Variants in PNPLA8 observed in about 807,000 individuals in gnomAD.
The protein encoded by PNPLA8 is calcium-independent phospholipase A2-gamma.
In PNPLA8, 39 loss-of-function variants were observed where a neutral mutation model predicts 76.9. That is an observed-to-expected ratio of 0.51 (90% CI 0.39 to 0.66). The LOEUF (loss-of-function observed/expected upper bound fraction) is 0.66, where lower values mean the gene tolerates loss of function less well. Ranked by LOEUF, PNPLA8 falls within the 30% of genes least tolerant of loss-of-function variation. The pLI is 0.00. For missense variants in PNPLA8, 887 were observed against 918.0 expected, an observed-to-expected ratio of 0.97 and a Z score of 0.44; for synonymous variants, 301 against 307.9, an observed-to-expected ratio of 0.98 and a Z score of 0.24.
At chr7:108,522,624 G>T (rs958635340) in intron 1 of PNPLA8, among the ~76,000 whole-genome samples, 1 of 152,224 alleles carries the variant, frequency 6.6e-6, no homozygotes, top group African/African-American at 2.4e-5. Context: ...TCCTGAGGCT[G>T]TGTCACGGGT....
intron 2 of PNPLA8, among the ~76,000 whole-genome samples, chr7:108,518,913 G>A (rs1425931861): frequency 6.6e-6 from 1 of 151,552 alleles, no homozygotes; most frequent in African/African-American, 2.4e-5. Flanking sequence ...GGACCAAAAG[G>A]GAATGAGAAC....
In PNPLA8 at chr7:108,472,434, C is replaced by T. The variant is rs1859682601; in HGVS notation, c.2316G>A (p.Met772Ile). 1.3e-6 allele frequency: 2 copies of T among 1,591,910 alleles called. No individual in the cohort carries two copies. The highest frequency in any genetic ancestry group is 2.2e-5 in the East Asian group (1 of 44,710). Residue 772 changes from methionine (M) to isoleucine (I), a missense_variant, in exon 11 of 11, where the codon ATG becomes ATA. Physicochemically the swap from Met to Ile is conservative, Grantham distance 10 (BLOSUM62 1). Coordinates refer to ENST00000257694, the MANE Select transcript of PNPLA8 (RefSeq NM_001256007.3). Reference sequence around the variant, plus strand: ...TTGAAAAGAATGGAAGTCCTTCATACATATCAGTTTTTAATTTTATCCAAT... The same window carrying T: ...TTGAAAAGAATGGAAGTCCTTCATATATATCAGTTTTTAATTTTATCCAAT... The part of the protein sequence containing the change: ...INDWIKLKTD[M>I]YEGLPFFSKL
At chr7:108,524,737 T>C (rs1242626760) in intron 1 of PNPLA8, among the ~76,000 whole-genome samples, 3 of 152,084 alleles carry the variant, frequency 2.0e-5, no homozygotes, top group African/African-American at 7.2e-5. Context: ...AGAGAATCGT[T>C]TGAACCTTGC....
intron 10 of PNPLA8, among the ~76,000 whole-genome samples, chr7:108,475,455 C>A (rs1859921227): frequency 6.6e-6 from 1 of 152,076 alleles, no homozygotes; most frequent in South Asian, 2.1e-4. Flanking sequence ...ATCTCTATCC[C>A]TCAAAAGCCT....
chr7:108,514,463 T>G lies in PNPLA8; in HGVS notation c.1029A>C (p.Lys343Asn), dbSNP rs755524972. The change falls in exon 3 of 11, where the codon AAA (lysine) becomes AAC (asparagine). Residue 343 changes from lysine to asparagine, a missense_variant. By Grantham distance (94) the Lys-to-Asn change is moderately conservative. Coordinates refer to ENST00000257694, the MANE Select transcript of PNPLA8 (RefSeq NM_001256007.3). ...AVSKDRNAEE[K>N]KRLSLQREKI... Reference sequence around the variant, plus strand: ...TTTCTCGCTGAAGAGATAAACGCTTTTTCTCCTCTGCATTTCTGTCTTTGC... The same window carrying G: ...TTTCTCGCTGAAGAGATAAACGCTTGTTCTCCTCTGCATTTCTGTCTTTGC... The G allele has an allele frequency of 7.4e-6, 12 of 1,611,928 alleles. No individual in the cohort carries two copies. Among genetic ancestry groups the G allele is most frequent in the Non-Finnish European group, 9.3e-6 (11 of 1,179,262 alleles).
At chr7:108,495,135 A>G (rs12540029) in intron 7 of PNPLA8, among the ~76,000 whole-genome samples, 1 of 152,084 alleles carries the variant, frequency 6.6e-6, no homozygotes, top group African/African-American at 2.4e-5. Flanking sequence ...CACTGTATTG[A>G]AGAACAAATT....
intron 1 of PNPLA8, among the ~76,000 whole-genome samples, chr7:108,525,252 C>T (rs1863996100): frequency 6.6e-6 from 1 of 152,200 alleles, no homozygotes; most frequent in Non-Finnish European, 1.5e-5. Flanking sequence ...TGTTTAACAG[C>T]ATTTTCTTAA....
Position 108,515,607 on chromosome 7 carries a change from G to A in PNPLA8, c.-83-33C>T, listed in dbSNP as rs945712189. Reference sequence around the variant, plus strand: ...GGCAAGAAAAAAAATTAGAATTCAAGTTAAAAATTGAAATTGGGTATAACA... The same window carrying A: ...GGCAAGAAAAAAAATTAGAATTCAAATTAAAAATTGAAATTGGGTATAACA... On this transcript the variant is annotated intron_variant, in intron 2 of 10. Transcript: ENST00000257694. 45 of 1,209,610 alleles carry A rather than the reference G, an allele frequency of 3.7e-5. No individual in the cohort carries two copies. The African/African-American group carries it at 6.5e-4, about 17-fold the overall frequency. 74.9% of individuals were successfully genotyped at this position (1,209,610 alleles called of 1,614,324 possible). A position where few individuals can be genotyped will look rare whatever the true frequency, so the allele number is the denominator to read the frequency against.
At chr7:108,517,134 T>C (rs1417612854) in intron 2 of PNPLA8, among the ~76,000 whole-genome samples, 1 of 152,080 alleles carries the variant, frequency 6.6e-6, no homozygotes, top group East Asian at 1.9e-4. Flanking sequence ...GATATATAGA[T>C]AACAAATAAA....
At chr7:108,490,804 G>A (rs937445522) in intron 8 of PNPLA8, among the ~76,000 whole-genome samples, 18 of 151,646 alleles carry the variant, frequency 1.2e-4, no homozygotes, top group Middle Eastern at 6.8e-3. Flanking sequence ...AAAAACTAGG[G>A]TAAAAAATGT....
Position 108,471,245 on chromosome 7 carries a change from T to A in PNPLA8, c.*1156A>T, listed in dbSNP as rs138415266. ...TTTTTTTTTTTTTTGAGATGGAGTC[T>A]CGCTGTGTCGCCTAGGCTGGAGTGC... On this transcript the variant is annotated 3_prime_UTR_variant, in exon 11 of 11. Coordinates refer to ENST00000257694, the MANE Select transcript of PNPLA8 (RefSeq NM_001256007.3). 8.2e-4 allele frequency: 119 copies of A among 145,260 alleles called. No individual in the cohort carries two copies. Among genetic ancestry groups the A allele is most frequent in the African/African-American group, 3.1e-3 (119 of 38,770 alleles). The allele number at this position is 145,260 out of a possible 1,614,324, so 9.0% of individuals were successfully genotyped here. A position where few individuals can be genotyped will look rare whatever the true frequency, so the allele number is the denominator to read the frequency against.
chr7:108,472,970 T>C (rs1380607372), intron 10 of PNPLA8, among the ~76,000 whole-genome samples: 1 of 151,950 alleles, frequency 6.6e-6, no homozygotes. Context: ...CCAACTTTCC[T>C]TTTTTTTGGG....
chr7:108,498,829 G>A (rs1009675057), intron 5 of PNPLA8, among the ~76,000 whole-genome samples: 1 of 152,090 alleles, frequency 6.6e-6, no homozygotes, highest in Non-Finnish European at 1.5e-5. Flanking sequence ...AACAGTGGGA[G>A]AATAAAAAAA....
rs556635678 is a variant in PNPLA8 at position 108,510,628 on chromosome 7, G to A, written c.1206+3516C>T. The A allele has an allele frequency of 7.0e-6, 11 of 1,564,602 alleles. No individual in the cohort carries two copies. In the Admixed American group the frequency reaches 1.3e-4, roughly 19 times the overall value. ...TCAACAAGGCTTCGACTAACATGCT[G>A]AGGATTGTAGAGCCATATATTGCAT... is the stretch of plus-strand genomic sequence containing the variant. On this transcript the variant is annotated intron_variant, in intron 4 of 10. Transcript: ENST00000257694.
At chr7:108,490,038 A>G (rs938060647) in intron 8 of PNPLA8, among the ~76,000 whole-genome samples, 2 of 152,366 alleles carry the variant, frequency 1.3e-5, no homozygotes, top group East Asian at 1.9e-4. Context: ...CAGTGGTCCC[A>G]TAAGACTATA....
At chr7:108,501,872 AG>A (rs1861975110) in intron 5 of PNPLA8, among the ~76,000 whole-genome samples, 2 of 152,156 alleles carry the variant, frequency 1.3e-5, no homozygotes, top group South Asian at 4.1e-4. Flanking sequence ...AACACTGTCA[AG>A]GTTTTATGAG....
chr7:108,502,332 A>G (rs951153828), intron 5 of PNPLA8, among the ~76,000 whole-genome samples, 159 bp downstream of exon 5: 1 of 150,470 alleles, frequency 6.6e-6, no homozygotes, highest in African/African-American at 2.5e-5. Flanking sequence ...AAATCCAGCT[A>G]CTTGAGAGGG....
chr7:108,513,277 A>G (rs1863067750), intron 4 of PNPLA8, among the ~76,000 whole-genome samples: 1 of 152,258 alleles, frequency 6.6e-6, no homozygotes, highest in African/African-American at 2.4e-5. Flanking sequence ...GTAAGATTAT[A>G]TAAATATAAA....
chr7:108,510,595 T>C lies in PNPLA8; in HGVS notation c.1206+3549A>G, dbSNP rs1862844287. The C allele has an allele frequency of 1.2e-5, 19 of 1,539,376 alleles. No individual in the cohort carries two copies. In the South Asian group the frequency reaches 1.8e-4, roughly 14 times the overall value. On this transcript the variant is annotated intron_variant, in intron 4 of 10. Transcript: ENST00000257694. ...TTCGTCAAATCTACAATGGAACCTTTGTGAAGCTCAACAAGGCTTCGACTA... is the reference window on the plus strand; with the variant it reads ...TTCGTCAAATCTACAATGGAACCTTCGTGAAGCTCAACAAGGCTTCGACTA...
Sources: allele counts gnomAD v4.1 joint callset (sites outside exome capture counted in the v4.1 genomes callset), GRCh38; gene constraint gnomAD v4.1.1; transcripts MANE v1.5; gene names NCBI Gene and HGNC (gene_info 2026-07-23, HGNC 2026-07-21).